STOX2: variants seen among roughly 807,000 people sequenced by gnomAD.
STOX2 encodes the protein storkhead box 2.
A neutral mutation model predicts 60.9 loss-of-function variants in STOX2; 28 were observed. The observed-to-expected ratio is 0.46, with a 90% CI of 0.34 to 0.63. The LOEUF (loss-of-function observed/expected upper bound fraction) is 0.63, where lower values mean the gene tolerates loss of function less well. STOX2 is among the 30% of genes least tolerant of loss of function. The probability of loss-of-function intolerance (pLI) is 0.01; values close to 1 mark genes in which losing one functional copy is unlikely to be tolerated. For missense variants in STOX2, 1,024 were observed against 1,187.7 expected (o/e 0.86, Z 2.03); for synonymous variants, 472 against 463.9 (o/e 1.02, Z -0.22).
chr4:183,830,319 A>T (rs141653869), intron 1 of STOX2, among the ~76,000 whole-genome samples: 2 of 152,200 alleles, frequency 1.3e-5, no homozygotes, highest in Admixed American at 6.5e-5. Context: ...GTGCAAGCAC[A>T]TGGGGTTTTT....
chr4:183,874,993 A>ATATATAT (rs1560857952), intron 1 of STOX2, among the ~76,000 whole-genome samples: 5 of 115,992 alleles, frequency 4.3e-5, no homozygotes, highest in African/African-American at 9.8e-5. Flanking sequence ...ATATATATAT[A>ATATATAT]AAACTTAGAA....
rs1171820560 is a variant in STOX2, at chr4:183,851,713, G to C, written c.364+53658G>C. On this transcript the variant is annotated intron_variant, in intron 1 of 2. Transcript: ENST00000513034. Reference sequence around the variant, plus strand: ...AGGATGAGAGAAACGATGAGGGAAAGGATGAGAGAAAGGATGAGGGAAAGG... The same window carrying C: ...AGGATGAGAGAAACGATGAGGGAAACGATGAGAGAAAGGATGAGGGAAAGG... Among the ~76,000 whole-genome samples the C allele has an allele frequency of 2.4e-5, 3 of 124,764 alleles. No homozygotes were observed. In the East Asian group the frequency reaches 7.9e-4, roughly 33 times the overall value. The allele number at this position is 124,764 out of a possible 152,430, so 81.9% of individuals were successfully genotyped here.
chr4:184,002,580 G>A (rs529518670), intron 2 of STOX2, among the ~76,000 whole-genome samples: 20 of 152,314 alleles, frequency 1.3e-4, no homozygotes, highest in African/African-American at 4.8e-4. Context: ...ATCCGATTTA[G>A]AAAACGGGGC....
intron 1 of STOX2, among the ~76,000 whole-genome samples, chr4:183,893,641 G>A (rs1487202647): frequency 1.3e-5 from 2 of 152,048 alleles, no homozygotes; most frequent in Non-Finnish European, 2.9e-5. Flanking sequence ...ATATAAAAGT[G>A]TATATTTCAC....
chr4:183,919,843 GTCC>G (rs1742047684), intron 1 of STOX2, among the ~76,000 whole-genome samples: 2 of 152,030 alleles, frequency 1.3e-5, no homozygotes, highest in Admixed American at 1.3e-4. Context: ...GGGTCAAGGA[GTCC>G]TCCTGCCTTG....
intron 2 of STOX2, among the ~76,000 whole-genome samples, chr4:184,007,295 T>C (rs1733913771): frequency 6.6e-6 from 1 of 152,142 alleles, no homozygotes; most frequent in African/African-American, 2.4e-5. Context: ...CCCAGGCCAT[T>C]TCTAATACCT....
chr4:183,808,893 TA>T (rs909929750), intron 1 of STOX2, among the ~76,000 whole-genome samples: 2 of 152,000 alleles, frequency 1.3e-5, no homozygotes, highest in Admixed American at 6.6e-5. Context: ...GCTGATGAGC[TA>T]AAAAAAATGG....
At chr4:183,989,850 A>C (rs181075555) in intron 1 of STOX2, among the ~76,000 whole-genome samples, 2 of 152,302 alleles carry the variant, frequency 1.3e-5, no homozygotes, top group East Asian at 3.9e-4. Flanking sequence ...GCACATCTGA[A>C]AGCATGGCTT....
chr4:183,854,309 T>C (rs1740235286), intron 1 of STOX2, among the ~76,000 whole-genome samples: 1 of 152,258 alleles, frequency 6.6e-6, no homozygotes, highest in African/African-American at 2.4e-5. Flanking sequence ...AAGAAGGTTT[T>C]GCCCAGTGTT....
chr4:183,803,219 C>T (rs1738808558), intron 1 of STOX2, among the ~76,000 whole-genome samples: 1 of 152,108 alleles, frequency 6.6e-6, no homozygotes, highest in Admixed American at 6.5e-5. Flanking sequence ...GGGTCCCTCC[C>T]ATAACATGTG....
Position 183,836,422 on chromosome 4 carries a change from C to T in STOX2, c.364+38367C>T, listed in dbSNP as rs907365399. Among the ~76,000 whole-genome samples the T allele has an allele frequency of 3.9e-5, 6 of 152,166 alleles. No homozygotes were observed. The highest frequency in any genetic ancestry group is 2.1e-4 in the South Asian group (1 of 4,830). On this transcript the variant is annotated intron_variant, in intron 1 of 2. Coordinates refer to the STOX2 transcript ENST00000513034. This position sits in a 1 kb window ranked among gnomAD's most constrained non-coding sequence, Gnocchi z 4.1. ...CATAGGCTGTTTTATGCTGAAATAA[C>T]GTCTCAGTGGCTTAACACATTAAGC...
chr4:183,809,337 CT>C (rs1312353942), intron 1 of STOX2, among the ~76,000 whole-genome samples: 2 of 152,204 alleles, frequency 1.3e-5, no homozygotes, highest in African/African-American at 4.8e-5. Flanking sequence ...ATCCTCTCGC[CT>C]TGGCCTCCCA....
At chr4:183,908,931 G>T (rs1244471532) in intron 1 of STOX2, among the ~76,000 whole-genome samples, 1 of 152,194 alleles carries the variant, frequency 6.6e-6, no homozygotes, top group African/African-American at 2.4e-5. Flanking sequence ...AGAGCGAAGT[G>T]CCTTGCTGGA....
In STOX2 at chr4:183,906,060, G is replaced by C. The variant is rs1356916457; in HGVS notation, c.-731G>C. On this transcript the variant is annotated 5_prime_UTR_variant, in exon 1 of 4. Coordinates refer to ENST00000308497, the MANE Select transcript of STOX2 (RefSeq NM_020225.3). ...CGGGCTCTTCCTGGATTCCGCAGGA[G>C]CCCGCCCGCCGCAGCTGCTGTCTGC... 6.6e-6 allele frequency: 1 copy of C among 152,172 alleles called. No homozygotes were observed. The highest frequency in any genetic ancestry group is 1.9e-4 in the East Asian group (1 of 5,150). The allele number at this position is 152,172 out of a possible 1,614,324, so 9.4% of individuals were successfully genotyped here.
rs145293238 is a variant in STOX2, at chr4:183,829,161, T to C, written c.364+31106T>C. Among the ~76,000 whole-genome samples the C allele has an allele frequency of 3.0e-3, 453 of 152,350 alleles. 4 individuals are homozygous for C. The highest frequency in any genetic ancestry group is 0.011 in the African/African-American group (444 of 41,572). On this transcript the variant is annotated intron_variant, in intron 1 of 2. Coordinates refer to the STOX2 transcript ENST00000513034. ...CTCTTTTCCTATCCAAAGAAAGTGG[T>C]CTTTTGTTTTTAAAAATCTATCATC...
chr4:184,004,558 CCA>C (rs1289090036), intron 2 of STOX2, among the ~76,000 whole-genome samples: 1 of 152,144 alleles, frequency 6.6e-6, no homozygotes, highest in Non-Finnish European at 1.5e-5. Context: ...TGAGATCACG[CCA>C]CTGCACTCCA....
chr4:183,921,620 C>A (rs971615620), intron 1 of STOX2, among the ~76,000 whole-genome samples: 1 of 152,086 alleles, frequency 6.6e-6, no homozygotes, highest in Non-Finnish European at 1.5e-5. Flanking sequence ...GGAGGACTTG[C>A]AAAATCTAGC....
Position 183,806,268 on chromosome 4 carries a change from C to T in STOX2, c.364+8213C>T, listed in dbSNP as rs1268892832. ...TCTGTCAGTGTAAAATGACTTGCTT[C>T]TGTAAGCAGGATGTCACCTCCCCAC... is the stretch of plus-strand genomic sequence containing the variant. On this transcript the variant is annotated intron_variant, in intron 1 of 2. Transcript: ENST00000513034. This position sits in a 1 kb window ranked among gnomAD's most constrained non-coding sequence, Gnocchi z 4.1. Among the ~76,000 whole-genome samples the T allele has an allele frequency of 6.6e-6, 1 of 152,190 alleles. No homozygotes were observed. The highest frequency in any genetic ancestry group is 1.5e-5 in the Non-Finnish European group (1 of 68,032).
chr4:183,801,047 A>AT (rs1407584612), intron 1 of STOX2, among the ~76,000 whole-genome samples: 1 of 152,248 alleles, frequency 6.6e-6, no homozygotes, highest in East Asian at 1.9e-4. Flanking sequence ...TGTTGAAATC[A>AT]TAAGCATTTT....
Sources: gnomAD v4.1 joint callset for allele counts (sites outside exome capture counted in the v4.1 genomes callset) on GRCh38, gnomAD v4.1.1 for gene constraint, Gnocchi (gnomAD v3.1) non-coding constraint, MANE v1.5 for transcripts, NCBI Gene and HGNC (gene_info 2026-07-23, HGNC 2026-07-21) for gene names.